The following CIMIP6 variants were observed in gnomAD, a reference collection of about 807,000 sequenced individuals.
The protein encoded by CIMIP6 is uncharacterized protein C2orf73.
At chr2:54,358,719 A>C in the CIMIP6 span, among the ~76,000 whole-genome samples, 1 of 152,148 alleles carries the variant, frequency 6.6e-6, no homozygotes, top group Admixed American at 6.6e-5. Context: ...TATTAATATT[A>C]ATTTTAGTTT....
chr2:54,367,908 T>C, the CIMIP6 span, among the ~76,000 whole-genome samples: 1 of 152,196 alleles, frequency 6.6e-6, no homozygotes, highest in Non-Finnish European at 1.5e-5. Flanking sequence ...TTTTGAAGTC[T>C]GTAGATTGAG....
the CIMIP6 span, chr2:54,360,125 G>A: frequency 3.8e-5 from 55 of 1,452,602 alleles, no homozygotes; most frequent in East Asian, 1.0e-4. Flanking sequence ...TTGAGCTAAC[G>A]CACAAATTCA....
chr2:54,375,400 G>T, the CIMIP6 span, among the ~76,000 whole-genome samples: 54 of 152,244 alleles, frequency 3.5e-4, no homozygotes, highest in African/African-American at 1.3e-3. Flanking sequence ...TCAAGTAATT[G>T]CAAAGGATGA....
At chr2:54,338,298 G>A in the CIMIP6 span, among the ~76,000 whole-genome samples, 7 of 151,870 alleles carry the variant, frequency 4.6e-5, no homozygotes, top group East Asian at 1.2e-3. Context: ...AGCCAGGTGT[G>A]GTGGCAAGCC....
chr2:54,362,276 G>C, the CIMIP6 span, among the ~76,000 whole-genome samples: 1 of 152,122 alleles, frequency 6.6e-6, no homozygotes, highest in Non-Finnish European at 1.5e-5. Flanking sequence ...ACCAAACTGA[G>C]CAAGAGTCTG....
At chr2:54,373,023 A>G in the CIMIP6 span, among the ~76,000 whole-genome samples, 1 of 150,432 alleles carries the variant, frequency 6.6e-6, no homozygotes, top group East Asian at 2.0e-4. Context: ...GGACCTTACC[A>G]CTCCCCTCAT....
chr2:54,339,898 T>G, the CIMIP6 span: 96 of 374,914 alleles, frequency 2.6e-4, 38 homozygotes, highest in African/African-American at 2.6e-3. Context: ...GATTCTCCCT[T>G]AATTTCTCAA....
At chr2:54,336,231 C>T in the CIMIP6 span, among the ~76,000 whole-genome samples, 1 of 152,180 alleles carries the variant, frequency 6.6e-6, no homozygotes, top group Non-Finnish European at 1.5e-5. Flanking sequence ...ATTTCTATCA[C>T]CCTCAAAAGT....
At chr2:54,373,419 C>A in the CIMIP6 span, among the ~76,000 whole-genome samples, 27,596 of 151,968 alleles carry the variant, frequency 0.18, 2,758 homozygotes, top group Non-Finnish European at 0.22. Flanking sequence ...CCCCTCCAAC[C>A]CCGCAGCACA....
At chr2:54,343,976 C>T in the CIMIP6 span, 2 of 1,078,872 alleles carry the variant, frequency 1.9e-6, no homozygotes, top group Middle Eastern at 3.0e-4. Context: ...ATAATTACTT[C>T]TCTATGAAGT....
chr2:54,336,343 A>G, the CIMIP6 span, among the ~76,000 whole-genome samples: 6 of 152,180 alleles, frequency 3.9e-5, no homozygotes, highest in Admixed American at 3.9e-4. Context: ...TAATGGAATT[A>G]CCCAGTATGT....
the CIMIP6 span, among the ~76,000 whole-genome samples, chr2:54,334,130 T>C: frequency 5.3e-5 from 8 of 152,250 alleles, no homozygotes; most frequent in African/African-American, 1.9e-4. Flanking sequence ...AGTATGTGAA[T>C]TTTAAAAATA....
At chr2:54,383,277 C>T in the CIMIP6 span, 1 of 152,264 alleles carries the variant, frequency 6.6e-6, no homozygotes. Flanking sequence ...TCATGACAGA[C>T]CCAGAGCCAG....
the CIMIP6 span, among the ~76,000 whole-genome samples, chr2:54,340,438 A>G: frequency 5.9e-5 from 9 of 152,206 alleles, no homozygotes; most frequent in Non-Finnish European, 1.3e-4. Context: ...TTATGAATAA[A>G]TGCTTGGACC....
At chr2:54,381,572 C>T in the CIMIP6 span, among the ~76,000 whole-genome samples, 118 of 152,300 alleles carry the variant, frequency 7.7e-4, no homozygotes, top group African/African-American at 2.6e-3. Flanking sequence ...AACAAAGAAA[C>T]GATTAGAACC....
At chr2:54,360,128 CA>C in the CIMIP6 span, 1 of 1,456,296 alleles carries the variant, frequency 6.9e-7, no homozygotes, top group Non-Finnish European at 9.1e-7. Flanking sequence ...AGCTAACGCA[CA>C]AATTCAGTTC....
chr2:54,380,865 C>G, the CIMIP6 span, among the ~76,000 whole-genome samples: 2 of 152,208 alleles, frequency 1.3e-5, no homozygotes, highest in African/African-American at 2.4e-5. Context: ...CCTCTTTCCT[C>G]TACAGATATT....
chr2:54,342,285 A>G, the CIMIP6 span, among the ~76,000 whole-genome samples: 28 of 152,316 alleles, frequency 1.8e-4, no homozygotes, highest in African/African-American at 6.7e-4. Context: ...TTGAATGAAT[A>G]GTTCTGACTT....
chr2:54,366,525 G>C, the CIMIP6 span, among the ~76,000 whole-genome samples: 1 of 152,152 alleles, frequency 6.6e-6, no homozygotes, highest in Admixed American at 6.5e-5. Context: ...TTTTCAATCT[G>C]AAGGGGAAAA....
Sources: allele counts gnomAD v4.1 joint callset (sites outside exome capture counted in the v4.1 genomes callset), GRCh38; gene constraint gnomAD v4.1.1; transcripts MANE v1.5; gene names NCBI Gene and HGNC (gene_info 2026-07-23, HGNC 2026-07-21).